ALCAM: variants seen among roughly 807,000 people sequenced by gnomAD.
ALCAM encodes CD166 antigen.
A neutral mutation model predicts 70.9 loss-of-function variants in ALCAM; 30 were observed. The observed-to-expected ratio is 0.42, with a 90% confidence interval of 0.32 to 0.57. The LOEUF (loss-of-function observed/expected upper bound fraction) is 0.57. Ranked by LOEUF, ALCAM falls within the 20% of genes least tolerant of loss-of-function variation. ALCAM has a pLI of 0.11. For synonymous variants in ALCAM, 249 were observed against 242.5 expected (o/e 1.03, Z -0.25); for missense variants, 591 against 695.1 (o/e 0.85, Z 1.68).
At chr3:105,410,567 C>T (rs898020912) in intron 1 of ALCAM, among the ~76,000 whole-genome samples, 9 of 151,906 alleles carry the variant, frequency 5.9e-5, no homozygotes, top group South Asian at 4.1e-4. Context: ...TCTGTATCTC[C>T]GGGGATATAG....
chr3:105,409,768 TATATTGC>T (rs1559782101), intron 1 of ALCAM, among the ~76,000 whole-genome samples: 1 of 152,118 alleles, frequency 6.6e-6, no homozygotes, highest in Non-Finnish European at 1.5e-5. Flanking sequence ...TATTTTATCA[TATATTGC>T]CAATAGGAGC....
chr3:105,441,109 A>G (rs1431822919), intron 1 of ALCAM, among the ~76,000 whole-genome samples: 1 of 152,176 alleles, frequency 6.6e-6, no homozygotes, highest in East Asian at 1.9e-4. Context: ...ATCAATCATA[A>G]TCACTCGGTT....
At chr3:105,433,404 A>T (rs1162830987) in intron 1 of ALCAM, among the ~76,000 whole-genome samples, 1 of 152,178 alleles carries the variant, frequency 6.6e-6, no homozygotes, top group Non-Finnish European at 1.5e-5. Flanking sequence ...CCAAGTCACT[A>T]AATTCTTCCT....
intron 1 of ALCAM, among the ~76,000 whole-genome samples, chr3:105,397,520 A>G (rs79440616): frequency 0.099 from 15,013 of 151,862 alleles, 843 homozygotes; most frequent in South Asian, 0.16. Context: ...ACTTATAGCT[A>G]TCACTTCTTG....
chr3:105,509,075 T>G (rs1248299610), intron 1 of ALCAM, among the ~76,000 whole-genome samples: 1 of 152,166 alleles, frequency 6.6e-6, no homozygotes, highest in Admixed American at 6.5e-5. Flanking sequence ...TAATATTTTA[T>G]TGTGTTTGTA....
At chr3:105,405,766 C>T (rs907086215) in intron 1 of ALCAM, among the ~76,000 whole-genome samples, 1 of 152,152 alleles carries the variant, frequency 6.6e-6, no homozygotes, top group South Asian at 2.1e-4. Flanking sequence ...CAAAGCCATG[C>T]AAATACATGG....
intron 8 of ALCAM, among the ~76,000 whole-genome samples, chr3:105,541,988 T>C (rs370152909): frequency 3.9e-5 from 6 of 152,054 alleles, no homozygotes; most frequent in African/African-American, 1.4e-4. Flanking sequence ...TTGGCAGTGG[T>C]ACATCTCCAT....
chr3:105,408,468 A>G (rs1053660402), intron 1 of ALCAM, among the ~76,000 whole-genome samples: 1 of 152,174 alleles, frequency 6.6e-6, no homozygotes, highest in Non-Finnish European at 1.5e-5. Flanking sequence ...ACCCTATTCA[A>G]CAAATGGTGC....
At chr3:105,384,605 G>A (rs1935601872) in intron 1 of ALCAM, among the ~76,000 whole-genome samples, 1 of 151,320 alleles carries the variant, frequency 6.6e-6, no homozygotes, top group South Asian at 2.1e-4. Context: ...GAAATTCTAA[G>A]ACTTTTCTAA....
intron 1 of ALCAM, among the ~76,000 whole-genome samples, chr3:105,388,094 T>A (rs1339404273): frequency 6.6e-6 from 1 of 150,628 alleles, no homozygotes; most frequent in Non-Finnish European, 1.5e-5. Context: ...AGTAACAGAG[T>A]GTGGAAAATA....
intron 1 of ALCAM, among the ~76,000 whole-genome samples, chr3:105,402,748 G>A (rs1936119819): frequency 6.6e-6 from 1 of 151,976 alleles, no homozygotes; most frequent in Non-Finnish European, 1.5e-5. Flanking sequence ...GCCCAGGAGA[G>A]GCTGAGTTCA....
intron 1 of ALCAM, among the ~76,000 whole-genome samples, chr3:105,500,040 G>A (rs561088737): frequency 6.6e-6 from 1 of 152,268 alleles, no homozygotes; most frequent in Admixed American, 6.5e-5. Flanking sequence ...TAGAAGGTCA[G>A]TGTGCAGTAG....
rs940161914 is a variant in ALCAM, at chr3:105,552,307, T to G, written c.1546+125T>G. On this transcript the variant is annotated intron_variant, in intron 13 of 15. Coordinates refer to ENST00000306107, the MANE Select transcript of ALCAM (RefSeq NM_001627.4). ...TTGAATTAAAATACCAAAGACAAGATAGTAAGAATGCTAAAATTTTACCCT... is the reference window on the plus strand; with the variant it reads ...TTGAATTAAAATACCAAAGACAAGAGAGTAAGAATGCTAAAATTTTACCCT... 19 of 1,282,876 alleles carry G rather than the reference T, an allele frequency of 1.5e-5. No homozygotes were observed. The African/African-American group carries it at 1.8e-4, about 12-fold the overall frequency. The allele number at this position is 1,282,876 out of a possible 1,614,324, so 79.5% of individuals were successfully genotyped here.
chr3:105,411,422 T>C (rs1936387653), intron 1 of ALCAM, among the ~76,000 whole-genome samples: 1 of 151,948 alleles, frequency 6.6e-6, no homozygotes, highest in Non-Finnish European at 1.5e-5. Flanking sequence ...GTAGCAGTGA[T>C]AGTAGCAGTG....
In ALCAM at chr3:105,540,211, C is replaced by T; in HGVS notation, c.858+109C>T. The T allele has an allele frequency of 1.4e-5, 16 of 1,150,728 alleles. No homozygotes were observed. The South Asian group carries it at 2.1e-4, about 15-fold the overall frequency. The allele number at this position is 1,150,728 out of a possible 1,614,324, so 71.3% of individuals were successfully genotyped here. A position where few individuals can be genotyped will look rare whatever the true frequency, so the allele number is the denominator to read the frequency against. ...AAATGTTATTGCTGGAGACAAGAGACGCCACCTATAAAATGTCACGTGGAA... is the reference window on the plus strand; with the variant it reads ...AAATGTTATTGCTGGAGACAAGAGATGCCACCTATAAAATGTCACGTGGAA... On this transcript the variant is annotated intron_variant, in intron 7 of 15. Transcript: ENST00000306107.
At chr3:105,403,502 C>T (rs1936144186) in intron 1 of ALCAM, among the ~76,000 whole-genome samples, 1 of 152,108 alleles carries the variant, frequency 6.6e-6, no homozygotes, top group Non-Finnish European at 1.5e-5. Context: ...GACGGTTTGG[C>T]TCTCAGGAAG....
chr3:105,507,905 G>GTTT (rs1416687635), intron 1 of ALCAM, among the ~76,000 whole-genome samples: 1 of 152,106 alleles, frequency 6.6e-6, no homozygotes, highest in Non-Finnish European at 1.5e-5. Context: ...TACCCCTGCC[G>GTTT]TTTTTGGTGT....
At chr3:105,412,260 TTAA>T (rs1936410013) in intron 1 of ALCAM, among the ~76,000 whole-genome samples, 1 of 152,138 alleles carries the variant, frequency 6.6e-6, no homozygotes, top group Non-Finnish European at 1.5e-5. Context: ...GGATTCTGTC[TTAA>T]TAACCTTGAA....
At chr3:105,431,733 T>C (rs1363766076) in intron 1 of ALCAM, among the ~76,000 whole-genome samples, 2 of 152,092 alleles carry the variant, frequency 1.3e-5, no homozygotes, top group Non-Finnish European at 2.9e-5. Flanking sequence ...TGGGTGTGTG[T>C]TTATTATTTT....
Sources: allele counts gnomAD v4.1 joint callset (sites outside exome capture counted in the v4.1 genomes callset), GRCh38; gene constraint gnomAD v4.1.1; transcripts MANE v1.5; gene names NCBI Gene and HGNC (gene_info 2026-07-23, HGNC 2026-07-21).